GOLM1: variants seen among roughly 807,000 people sequenced by gnomAD.
GOLM1 encodes the protein golgi membrane protein 1, also known as epididymis luminal protein 46.
A neutral mutation model predicts 50.5 loss-of-function variants in GOLM1; 31 were observed. That is an observed-to-expected ratio of 0.61 (90% CI 0.46 to 0.83). The LOEUF (loss-of-function observed/expected upper bound fraction) is 0.83, where lower values mean the gene tolerates loss of function less well. Ranked by LOEUF, GOLM1 falls within the 40% of genes least tolerant of loss-of-function variation. The probability of loss-of-function intolerance (pLI) is 0.00; values close to 1 mark genes in which losing one functional copy is unlikely to be tolerated. For synonymous variants in GOLM1, 178 were observed against 192.8 expected (o/e 0.92, Z 0.64); for missense variants, 491 against 501.3 (o/e 0.98, Z 0.20).
intron 3 of GOLM1, among the ~76,000 whole-genome samples, chr9:86,059,085 C>T (rs775402548): frequency 6.6e-6 from 1 of 152,108 alleles, no homozygotes; most frequent in Non-Finnish European, 1.5e-5. Context: ...GAACCCCCCC[C>T]CAATACACAG....
intron 7 of GOLM1, 116 bp downstream of exon 7, chr9:86,036,232 T>TG (rs1325619459): frequency 7.8e-6 from 8 of 1,024,668 alleles, no homozygotes; most frequent in South Asian, 7.7e-5. Context: ...GACACGTCCC[T>TG]GCTCCTGGCT....
At chr9:86,028,940 C>T (rs983311403) in intron 9 of GOLM1, among the ~76,000 whole-genome samples, 3 of 151,084 alleles carry the variant, frequency 2.0e-5, no homozygotes, top group Admixed American at 6.6e-5. Context: ...GCTCCACCTC[C>T]GGGGTTCACG....
At chr9:86,072,824 T>C (rs1027850003) in intron 3 of GOLM1, among the ~76,000 whole-genome samples, 1 of 152,218 alleles carries the variant, frequency 6.6e-6, no homozygotes, top group African/African-American at 2.4e-5. Context: ...CTAGGCTGTA[T>C]GCTACAGCCT....
chr9:86,058,632 G>C (rs1377807176), intron 3 of GOLM1, among the ~76,000 whole-genome samples: 2 of 147,164 alleles, frequency 1.4e-5, no homozygotes, highest in South Asian at 2.1e-4. Flanking sequence ...GGAGGCGGAG[G>C]TTGCAGTGAG....
At chr9:86,076,649 A>C (rs1158018520) in intron 3 of GOLM1, among the ~76,000 whole-genome samples, 3 of 151,728 alleles carry the variant, frequency 2.0e-5, no homozygotes, top group Admixed American at 6.6e-5. Flanking sequence ...GTGGATCACG[A>C]GGTCAAGAGA....
Position 86,068,057 on chromosome 9 carries a change from C to T in GOLM1, c.309+9355G>A, listed in dbSNP as rs1054730880. ...TTTAAAAAAAAAGAAACAAGGTCTACGCAGATGTACTTAAATTAAAATGAG... is the reference window on the plus strand; with the variant it reads ...TTTAAAAAAAAAGAAACAAGGTCTATGCAGATGTACTTAAATTAAAATGAG... On this transcript the variant is annotated intron_variant, in intron 3 of 9. Coordinates refer to ENST00000388712, the MANE Select transcript of GOLM1 (RefSeq NM_016548.4). 2.0e-5 allele frequency among the ~76,000 whole-genome samples: 3 copies of T among 151,844 alleles called. No homozygotes were observed. In the East Asian group the frequency reaches 5.8e-4, roughly 29 times the overall value.
chr9:86,033,106 C>T (rs936411378), intron 9 of GOLM1, among the ~76,000 whole-genome samples, 176 bp downstream of exon 9: 5 of 152,210 alleles, frequency 3.3e-5, no homozygotes, highest in Non-Finnish European at 7.3e-5. Flanking sequence ...TTGGGCTTCT[C>T]AACCCTCACT....
In GOLM1 at chr9:86,027,777, C is replaced by A. The variant is rs771623365; in HGVS notation, c.*40G>T. Reference sequence around the variant, plus strand: ...TCCCTCATGAACATTTTATAGTCATCTCTTCGGCCCTGTTGTGAAATATGT... The same window carrying A: ...TCCCTCATGAACATTTTATAGTCATATCTTCGGCCCTGTTGTGAAATATGT... On this transcript the variant is annotated 3_prime_UTR_variant, in exon 10 of 10. Coordinates refer to ENST00000388712, the MANE Select transcript of GOLM1 (RefSeq NM_016548.4). 2 of 1,599,370 alleles carry A rather than the reference C, an allele frequency of 1.3e-6. No individual in the cohort carries two copies. The highest frequency in any genetic ancestry group is 3.5e-5 in the Admixed American group (2 of 57,114).
chr9:86,033,589 C>T (rs573125531), intron 8 of GOLM1, among the ~76,000 whole-genome samples, 194 bp from the exon 9 acceptor site: 117 of 152,254 alleles, frequency 7.7e-4, no homozygotes, highest in African/African-American at 2.6e-3. Flanking sequence ...CACTTGGACT[C>T]GGAATCTACA....
At chr9:86,053,605 C>T (rs1204727382) in intron 3 of GOLM1, among the ~76,000 whole-genome samples, 1,268 of 28,780 alleles carry the variant, frequency 0.044, 34 homozygotes, top group African/African-American at 0.15. Flanking sequence ...TCCACACACA[C>T]ATCACACACC....
At chr9:86,070,342 G>T (rs1044158031) in intron 3 of GOLM1, among the ~76,000 whole-genome samples, 12 of 152,034 alleles carry the variant, frequency 7.9e-5, no homozygotes, top group African/African-American at 2.7e-4. Context: ...GGGAGGCCAA[G>T]GTGGGCGGAT....
At chr9:86,077,617 C>G in intron 2 of GOLM1, 26 bp from the exon 3 acceptor site, 1 of 1,588,554 alleles carries the variant, frequency 6.3e-7, no homozygotes, top group Middle Eastern at 2.0e-4. Flanking sequence ...GGCATTAGGG[C>G]TGATGCCAAG....
At position 86,026,979 on chromosome 9, in the gene GOLM1, A is replaced by G. The variant is rs1233809399; in HGVS notation, c.*838T>C. ...CTGTCCACAACAAACTTGCCCTCTCATGCCTTGCCTCTCACCATGCTCTGC... is the reference window on the plus strand; with the variant it reads ...CTGTCCACAACAAACTTGCCCTCTCGTGCCTTGCCTCTCACCATGCTCTGC... On this transcript the variant is annotated 3_prime_UTR_variant, in exon 10 of 10. Transcript: ENST00000388712. The G allele has an allele frequency of 1.6e-5, 16 of 985,274 alleles. No individual in the cohort carries two copies. The highest frequency in any genetic ancestry group is 1.8e-5 in the Non-Finnish European group (15 of 829,938). 61.0% of individuals were successfully genotyped at this position (985,274 alleles called of 1,614,324 possible).
At chr9:86,043,647 A>T (rs1164587627) in intron 5 of GOLM1, among the ~76,000 whole-genome samples, 1 of 152,220 alleles carries the variant, frequency 6.6e-6, no homozygotes, top group Non-Finnish European at 1.5e-5. Context: ...CATATCTGGT[A>T]CACGGCCTTG....
intron 3 of GOLM1, among the ~76,000 whole-genome samples, chr9:86,055,875 A>G (rs1564348617): frequency 6.6e-6 from 1 of 152,208 alleles, no homozygotes; most frequent in Non-Finnish European, 1.5e-5. Flanking sequence ...AACAGCGTGA[A>G]TATCCTTCAC....
chr9:86,043,158 CAT>C (rs1308873428), intron 5 of GOLM1, among the ~76,000 whole-genome samples: 1 of 152,192 alleles, frequency 6.6e-6, no homozygotes, highest in Non-Finnish European at 1.5e-5. Context: ...ACTGTCTCCT[CAT>C]AGCAGGGAGA....
At chr9:86,053,581 A>AAAC (rs1833866641) in intron 3 of GOLM1, among the ~76,000 whole-genome samples, 1 of 1,418 alleles carries the variant, frequency 7.1e-4, no homozygotes, top group African/African-American at 2.1e-3. Context: ...CACACACACC[A>AAAC]CACACCACAC....
intron 1 of GOLM1, among the ~76,000 whole-genome samples, chr9:86,097,571 G>C (rs1445307086): frequency 6.6e-6 from 1 of 152,130 alleles, no homozygotes; most frequent in African/African-American, 2.4e-5. Context: ...CTTTGAGAAA[G>C]GCGGCTGGAC....
At chr9:86,045,071 T>TA (rs1833492239) in intron 5 of GOLM1, among the ~76,000 whole-genome samples, 1 of 152,170 alleles carries the variant, frequency 6.6e-6, no homozygotes. Flanking sequence ...ATTTTACTTT[T>TA]ATAAATAAAA....
Sources: gnomAD v4.1 joint callset for allele counts (sites outside exome capture counted in the v4.1 genomes callset) on GRCh38, gnomAD v4.1.1 for gene constraint, MANE v1.5 for transcripts, NCBI Gene and HGNC (gene_info 2026-07-23, HGNC 2026-07-21) for gene names.